The following TTC28 variants were observed in gnomAD, a reference collection of about 807,000 sequenced individuals.
TTC28 encodes tetratricopeptide repeat protein 28.
A neutral mutation model predicts 198.0 loss-of-function variants in TTC28; 61 were observed. The ratio of observed to expected loss-of-function variants is 0.31; its 90% CI spans 0.25 to 0.38. The LOEUF (loss-of-function observed/expected upper bound fraction) is 0.38, where lower values mean the gene tolerates loss of function less well. Ranked by LOEUF, TTC28 falls within the 10% of genes least tolerant of loss-of-function variation. TTC28 has a pLI of 1.00. For missense variants in TTC28, 2,678 were observed against 3,164.0 expected (o/e 0.85, Z 3.69); for synonymous variants, 1,171 against 1,297.8 (o/e 0.90, Z 2.10).
chr22:28,376,842 G>C (rs1407041968), intron 2 of TTC28, among the ~76,000 whole-genome samples: 3 of 152,110 alleles, frequency 2.0e-5, no homozygotes, highest in Admixed American at 6.6e-5. Context: ...CTTCAGCTGA[G>C]AACCAATCAG....
chr22:28,487,691 C>T (rs2048329341), intron 2 of TTC28, among the ~76,000 whole-genome samples: 1 of 152,096 alleles, frequency 6.6e-6, no homozygotes, highest in Admixed American at 6.6e-5. Context: ...CCATTGTAAG[C>T]ATATTCTATG....
chr22:28,189,192 A>C lies in TTC28; in HGVS notation c.934-25593T>G, dbSNP rs369856651. Among the ~76,000 whole-genome samples the C allele has an allele frequency of 5.3e-5, 8 of 152,252 alleles. No homozygotes were observed. In the East Asian group the frequency reaches 1.5e-3, roughly 29 times the overall value. On this transcript the variant is annotated intron_variant, in intron 5 of 22. Coordinates refer to ENST00000397906, the MANE Select transcript of TTC28 (RefSeq NM_001145418.2). ...GCAAGACCTCATCTCAAAAATAACAAATACATATGTATGTAAAGTCTTCAG... is the reference window on the plus strand; with the variant it reads ...GCAAGACCTCATCTCAAAAATAACACATACATATGTATGTAAAGTCTTCAG...
intron 5 of TTC28, among the ~76,000 whole-genome samples, chr22:28,209,023 C>T (rs1004106054): frequency 6.6e-6 from 1 of 152,218 alleles, no homozygotes; most frequent in Admixed American, 6.5e-5. Context: ...GTTTTTCATA[C>T]AGCCCTGCAA....
chr22:27,984,693 C>A (rs1207535196), intron 22 of TTC28, among the ~76,000 whole-genome samples: 1 of 152,238 alleles, frequency 6.6e-6, no homozygotes, highest in Non-Finnish European at 1.5e-5. Flanking sequence ...ACTTTCCTGA[C>A]CTCAGCAGAG....
chr22:28,322,577 T>C (rs1041050467), intron 2 of TTC28, among the ~76,000 whole-genome samples: 3 of 152,194 alleles, frequency 2.0e-5, no homozygotes, highest in African/African-American at 7.2e-5. Context: ...CCTCAAAAAA[T>C]AGAGCGTAAC....
Position 28,035,129 on chromosome 22 carries a change from G to C in TTC28, c.3933-4763C>G, listed in dbSNP as rs781207068. 6.6e-4 allele frequency among the ~76,000 whole-genome samples: 100 copies of C among 152,138 alleles called. 1 individual carries two copies. The highest frequency in any genetic ancestry group is 1.6e-4 in the Non-Finnish European group (11 of 68,038). ...ACAGTTGCAACTGAAGCTCCACAAG[G>C]CACACTTTTATTTATGTCTCAACAT... On this transcript the variant is annotated intron_variant, in intron 12 of 22. Coordinates refer to ENST00000397906, the MANE Select transcript of TTC28 (RefSeq NM_001145418.2).
intron 2 of TTC28, among the ~76,000 whole-genome samples, chr22:28,545,127 A>T (rs2049509893): frequency 6.6e-6 from 1 of 152,182 alleles, no homozygotes; most frequent in South Asian, 2.1e-4. Flanking sequence ...CTTTCCAGTA[A>T]CATCACACTT....
chr22:28,456,799 C>T (rs2047867239), intron 2 of TTC28, among the ~76,000 whole-genome samples: 1 of 152,174 alleles, frequency 6.6e-6, no homozygotes, highest in African/African-American at 2.4e-5. Flanking sequence ...TGGTCTCAAT[C>T]TCTTGACCTC....
chr22:28,250,433 T>C (rs913288333), intron 5 of TTC28, among the ~76,000 whole-genome samples: 1 of 152,218 alleles, frequency 6.6e-6, no homozygotes, highest in African/African-American at 2.4e-5. Flanking sequence ...AAATGTAATA[T>C]AGTCCAGTCA....
chr22:28,076,181 T>C (rs535959301), intron 12 of TTC28, among the ~76,000 whole-genome samples: 18 of 152,342 alleles, frequency 1.2e-4, no homozygotes, highest in African/African-American at 4.1e-4. Flanking sequence ...CTTATCAATT[T>C]GGATTAAGTG....
At chr22:28,482,581 T>G (rs2048266370) in intron 2 of TTC28, among the ~76,000 whole-genome samples, 2 of 152,164 alleles carry the variant, frequency 1.3e-5, no homozygotes, top group South Asian at 4.1e-4. Flanking sequence ...GTAAAACTCA[T>G]ATAACATAAC....
intron 2 of TTC28, among the ~76,000 whole-genome samples, chr22:28,516,828 A>G (rs2048798359): frequency 6.6e-6 from 1 of 152,226 alleles, no homozygotes; most frequent in African/African-American, 2.4e-5. Flanking sequence ...TATGTTAATC[A>G]GCTTGATTTA....
chr22:28,169,573 A>G (rs2147077682), intron 5 of TTC28, among the ~76,000 whole-genome samples: 1 of 152,280 alleles, frequency 6.6e-6, no homozygotes. Context: ...CGCAAGGACA[A>G]AAAACCAAAC....
At chr22:28,229,905 A>G (rs1258595036) in intron 5 of TTC28, among the ~76,000 whole-genome samples, 1 of 151,728 alleles carries the variant, frequency 6.6e-6, no homozygotes, top group Non-Finnish European at 1.5e-5. Flanking sequence ...GCTTAAATTT[A>G]AAAAAAAATC....
chr22:28,390,408 C>G (rs2046697212), intron 2 of TTC28, among the ~76,000 whole-genome samples: 1 of 152,042 alleles, frequency 6.6e-6, no homozygotes, highest in Non-Finnish European at 1.5e-5. Flanking sequence ...TGTTGACTTT[C>G]TGTCTCGTTG....
At chr22:28,030,412 T>A in intron 12 of TTC28, 46 bp from the exon 13 acceptor site, 1 of 1,548,138 alleles carries the variant, frequency 6.5e-7, no homozygotes, top group Non-Finnish European at 8.7e-7. Context: ...AAGGAAGCGC[T>A]GAGCTATGGA....
rs1199615235 is a variant in TTC28 at position 28,155,164 on chromosome 22, T to C, written c.1441+7928A>G. On this transcript the variant is annotated intron_variant, in intron 6 of 22. Coordinates refer to ENST00000397906, the MANE Select transcript of TTC28 (RefSeq NM_001145418.2). Reference sequence around the variant, plus strand: ...TTGTTTCCAGTTCTATTTGCTTACATTCCATTAAGTGAAAGAAATACATAC... The same window carrying C: ...TTGTTTCCAGTTCTATTTGCTTACACTCCATTAAGTGAAAGAAATACATAC... 3.3e-5 allele frequency among the ~76,000 whole-genome samples: 5 copies of C among 152,222 alleles called. No individual in the cohort carries two copies. The East Asian group carries it at 9.6e-4, about 29-fold the overall frequency.
chr22:28,357,793 A>G (rs1177413392), intron 2 of TTC28, among the ~76,000 whole-genome samples: 2 of 152,130 alleles, frequency 1.3e-5, no homozygotes, highest in Non-Finnish European at 2.9e-5. Context: ...TGACCCACCA[A>G]TGTGGACCCC....
chr22:28,599,417 T>C (rs993119270), intron 2 of TTC28, among the ~76,000 whole-genome samples: 1 of 152,220 alleles, frequency 6.6e-6, no homozygotes, highest in Non-Finnish European at 1.5e-5. Context: ...ATGTCCACAA[T>C]CAGCTTGGCA....
Sources: gnomAD v4.1 joint callset for allele counts (sites outside exome capture counted in the v4.1 genomes callset) on GRCh38, gnomAD v4.1.1 for gene constraint, MANE v1.5 for transcripts, NCBI Gene and HGNC (gene_info 2026-07-23, HGNC 2026-07-21) for gene names.